Variants in DOCK2 observed in about 807,000 individuals in gnomAD.
The protein encoded by DOCK2 is dedicator of cytokinesis 2.
A neutral mutation model predicts 248.9 loss-of-function variants in DOCK2; 87 were observed. The ratio of observed to expected loss-of-function variants is 0.35; its 90% CI spans 0.29 to 0.42. The LOEUF (loss-of-function observed/expected upper bound fraction) is 0.42. Among genes scored for constraint, DOCK2 ranks in the 10% least tolerant of loss-of-function variants. The pLI is 1.00. For missense variants in DOCK2, 1,747 were observed against 2,300.2 expected (o/e 0.76, Z 4.92); for synonymous variants, 805 against 821.6 (o/e 0.98, Z 0.35).
At chr5:169,838,679 C>G (rs1267240807) in intron 26 of DOCK2, among the ~76,000 whole-genome samples, 1 of 152,156 alleles carries the variant, frequency 6.6e-6, no homozygotes, top group Non-Finnish European at 1.5e-5. Context: ...AAGTCTCCAG[C>G]AGAGACTGAA....
chr5:169,792,882 T>C (rs1274575043), intron 25 of DOCK2, among the ~76,000 whole-genome samples: 2 of 152,210 alleles, frequency 1.3e-5, no homozygotes, highest in African/African-American at 4.8e-5. Flanking sequence ...GGATTGGCTT[T>C]TTATTTTTCC....
At chr5:169,861,169 T>TTATTTATTTCC (rs1325546768) in intron 27 of DOCK2, among the ~76,000 whole-genome samples, 1 of 152,204 alleles carries the variant, frequency 6.6e-6, no homozygotes, top group African/African-American at 2.4e-5. Context: ...AATCTGCTCT[T>TTATTTATTTCC]TATTTATTTC....
At chr5:169,799,834 G>T (rs1470115436) in intron 25 of DOCK2, among the ~76,000 whole-genome samples, 1 of 152,030 alleles carries the variant, frequency 6.6e-6, no homozygotes, top group African/African-American at 2.4e-5. Context: ...TTGAGACAGG[G>T]TCTCACTCTG....
At chr5:169,860,985 GA>G (rs2113406014) in intron 27 of DOCK2, among the ~76,000 whole-genome samples, 1 of 152,272 alleles carries the variant, frequency 6.6e-6, no homozygotes, top group Admixed American at 6.5e-5. Flanking sequence ...AATTAAGGGG[GA>G]AATAAAGAAA....
At chr5:169,830,919 A>G (rs1380928544) in intron 26 of DOCK2, among the ~76,000 whole-genome samples, 1 of 152,200 alleles carries the variant, frequency 6.6e-6, no homozygotes, top group Non-Finnish European at 1.5e-5. Context: ...TTCCCACAGT[A>G]GCCTGACACC....
Position 169,725,074 on chromosome 5 carries a change from C to T in DOCK2, c.2267+6283C>T, listed in dbSNP as rs1033195385. ...TTAAAATGTAATCATCTGTTTATGC[C>T]GAGCATGAGCTGAAATGCCTGTGAC... On this transcript the variant is annotated intron_variant, in intron 22 of 51. Transcript: ENST00000520908. Among the ~76,000 whole-genome samples, 51 of 152,232 alleles carry T rather than the reference C, an allele frequency of 3.4e-4. 1 individual carries two copies. The highest frequency in any genetic ancestry group is 3.4e-3 in the Middle Eastern group (1 of 294).
intron 26 of DOCK2, among the ~76,000 whole-genome samples, chr5:169,818,663 G>A (rs1263496879): frequency 6.6e-6 from 1 of 152,112 alleles, no homozygotes; most frequent in African/African-American, 2.4e-5. Flanking sequence ...TGACAGAGAA[G>A]GCAATATTTG....
rs148062895 is a variant in DOCK2 at position 169,778,115 on chromosome 5, A to G, written c.2554+16490A>G. 1.6e-3 allele frequency among the ~76,000 whole-genome samples: 244 copies of G among 152,324 alleles called. 2 individuals are homozygous for G. Among genetic ancestry groups the G allele is most frequent in the Non-Finnish European group, 2.5e-3 (173 of 68,030 alleles). ...CTTCCACTGCCACAAGTGCTCCTGG[A>G]TGGTGGGAACCTGGCTCCTCAGTTA... is the stretch of plus-strand genomic sequence containing the variant. On this transcript the variant is annotated intron_variant, in intron 25 of 51. Transcript: ENST00000520908.
At chr5:169,908,713 CTTTTTTT>C (rs34261104) in intron 27 of DOCK2, among the ~76,000 whole-genome samples, 50 of 105,044 alleles carry the variant, frequency 4.8e-4, no homozygotes, top group Admixed American at 3.2e-3. Context: ...TTTCTTTTTT[CTTTTTTT>C]TTTTTTTTTT....
intron 22 of DOCK2, among the ~76,000 whole-genome samples, chr5:169,734,497 A>G (rs1279476895): frequency 6.6e-6 from 1 of 151,996 alleles, no homozygotes; most frequent in Non-Finnish European, 1.5e-5. Flanking sequence ...AAAGTTTTTT[A>G]TTTTCCTCCA....
Position 169,756,684 on chromosome 5 carries a change from G to T in DOCK2, c.2377-3021G>T, listed in dbSNP as rs187802256. Among the ~76,000 whole-genome samples, 302 of 152,308 alleles carry T rather than the reference G, an allele frequency of 2.0e-3. 4 individuals carry two copies. Among genetic ancestry groups the T allele is most frequent in the East Asian group, 3.1e-3 (16 of 5,176 alleles). On this transcript the variant is annotated intron_variant, in intron 23 of 51. Coordinates refer to ENST00000520908, the MANE Select transcript of DOCK2 (RefSeq NM_004946.3). ...CTCATGCCTGTGAGCCCAGCACTTT[G>T]GGAGGTCAAGGCGGGTAGATCACTT...
At chr5:169,977,840 G>A (rs1777770592) in intron 27 of DOCK2, among the ~76,000 whole-genome samples, 1 of 152,164 alleles carries the variant, frequency 6.6e-6, no homozygotes, top group Admixed American at 6.5e-5. Context: ...TAGAGTCCCT[G>A]TTTTTCCTGA....
intron 45 of DOCK2, among the ~76,000 whole-genome samples, chr5:170,068,785 C>A (rs1053398772): frequency 6.6e-6 from 1 of 152,198 alleles, no homozygotes; most frequent in Admixed American, 6.5e-5. Flanking sequence ...TGCTTCCTGA[C>A]ACACGGGTCC....
intron 22 of DOCK2, among the ~76,000 whole-genome samples, chr5:169,731,560 C>A (rs1762770132): frequency 1.3e-5 from 2 of 152,098 alleles, no homozygotes; most frequent in Non-Finnish European, 2.9e-5. Flanking sequence ...TTATCAGCAA[C>A]ACGAAAACGG....
intron 23 of DOCK2, among the ~76,000 whole-genome samples, chr5:169,756,758 T>G (rs1764217013): frequency 6.6e-6 from 1 of 152,016 alleles, no homozygotes; most frequent in African/African-American, 2.4e-5. Flanking sequence ...AAACCCCATC[T>G]CAACTAAAAA....
At chr5:170,044,693 C>T (rs1756636902) in intron 38 of DOCK2, among the ~76,000 whole-genome samples, 1 of 152,156 alleles carries the variant, frequency 6.6e-6, no homozygotes, top group Admixed American at 6.5e-5. Context: ...GCTGAGCTGT[C>T]CGTGGGTTTA....
intron 40 of DOCK2, among the ~76,000 whole-genome samples, chr5:170,048,624 A>C (rs1377254431): frequency 6.6e-6 from 1 of 152,214 alleles, no homozygotes; most frequent in Admixed American, 6.5e-5. Context: ...ACGCAGCCTC[A>C]GAAAGCTCCA....
At chr5:169,994,252 A>G (rs1309774928) in intron 29 of DOCK2, among the ~76,000 whole-genome samples, 4 of 152,148 alleles carry the variant, frequency 2.6e-5, no homozygotes, top group Admixed American at 6.5e-5. Context: ...AGTCATGTGG[A>G]CTGGGGAGTA....
At chr5:169,747,336 C>G (rs1173872347) in intron 22 of DOCK2, 60 bp from the exon 23 acceptor site, 21 of 1,486,158 alleles carry the variant, frequency 1.4e-5, no homozygotes, top group African/African-American at 2.8e-5. Flanking sequence ...GTGCCTAGTA[C>G]ACACTTTTAA....
Sources: gnomAD v4.1 joint callset for allele counts (sites outside exome capture counted in the v4.1 genomes callset) on GRCh38, gnomAD v4.1.1 for gene constraint, MANE v1.5 for transcripts, NCBI Gene and HGNC (gene_info 2026-07-23, HGNC 2026-07-21) for gene names.